PDS5B: variants seen among roughly 807,000 people sequenced by gnomAD.
PDS5B encodes PDS5 cohesin associated factor B, also known as sister chromatid cohesion protein PDS5 homolog B.
In PDS5B, 51 loss-of-function variants were observed where a neutral mutation model predicts 184.1. The ratio of observed to expected loss-of-function variants is 0.28; its 90% CI spans 0.22 to 0.35. The LOEUF (loss-of-function observed/expected upper bound fraction) is 0.35, where lower values mean the gene tolerates loss of function less well. PDS5B is among the 10% of genes least tolerant of loss of function. The probability of loss-of-function intolerance (pLI) is 1.00; values close to 1 mark genes in which losing one functional copy is unlikely to be tolerated. For missense variants in PDS5B, 1,180 were observed against 1,723.3 expected (o/e 0.68, Z 5.58); for synonymous variants, 566 against 569.2 (o/e 0.99, Z 0.08).
Position 32,588,481 on chromosome 13 carries a change from GTTCTC to G in PDS5B, c.-20+1894_-20+1898del, listed in dbSNP as rs377558013. 3.5e-4 allele frequency among the ~76,000 whole-genome samples: 54 copies of G among 152,252 alleles called. 2 individuals carry two copies. In the East Asian group the frequency reaches 6.2e-3, roughly 17 times the overall value. On this transcript the variant is annotated intron_variant, in intron 1 of 34. Coordinates refer to ENST00000315596, the MANE Select transcript of PDS5B (RefSeq NM_015032.4). ...CCTTTTTCTGATGGTTTTAAAAATT[GTTCTC>G]TTCTCAGCTGGCGTTTACTTAAAGG...
At chr13:32,689,992 T>C (rs1593434810) in intron 13 of PDS5B, 1 of 152,120 alleles carries the variant, frequency 6.6e-6, no homozygotes, top group East Asian at 1.9e-4. Flanking sequence ...AAATGAAGAA[T>C]TTGCCAGTCC....
chr13:32,675,397 T>C (rs865826990), intron 8 of PDS5B, among the ~76,000 whole-genome samples: 13 of 152,210 alleles, frequency 8.5e-5, no homozygotes, highest in Admixed American at 2.6e-4. Context: ...ACTGGGAGAC[T>C]GTAGCACATA....
chr13:32,745,989 G>T lies in PDS5B; in HGVS notation c.2625G>T (p.Met875Ile). 1 of 1,612,184 alleles carries T rather than the reference G, an allele frequency of 6.2e-7. No homozygotes were observed. Among genetic ancestry groups the T allele is most frequent in the Non-Finnish European group, 8.5e-7 (1 of 1,178,376 alleles). The change falls in exon 24 of 35, where the codon ATG becomes ATT. Residue 875 changes from methionine (M) to isoleucine (I), a missense_variant. Met to Ile is a conservative substitution (Grantham distance 10, BLOSUM62 1). This residue lies in a region of PDS5B where 475 missense variants were observed against 691.5 expected (regional missense o/e 0.69). Transcript: ENST00000315596. ...ACTCATTTTTCAGTAAACCAGATATGTCACGTCTGAGACTTGCTGCTGGGA... is the reference window on the plus strand; with the variant it reads ...ACTCATTTTTCAGTAAACCAGATATTTCACGTCTGAGACTTGCTGCTGGGA... ...TEQGKISKPD[M>I]SRLRLAAGSA...
intron 13 of PDS5B, among the ~76,000 whole-genome samples, chr13:32,691,486 G>C (rs925323315): frequency 6.6e-6 from 1 of 151,964 alleles, no homozygotes; most frequent in Non-Finnish European, 1.5e-5. Flanking sequence ...TAATGCTGCT[G>C]TAAATACTTT....
At chr13:32,764,835 G>C (rs1409308853) in intron 31 of PDS5B, among the ~76,000 whole-genome samples, 1 of 152,084 alleles carries the variant, frequency 6.6e-6, no homozygotes, top group African/African-American at 2.4e-5. Context: ...AGACTTGCCA[G>C]TTGCATACTC....
intron 17 of PDS5B, among the ~76,000 whole-genome samples, chr13:32,704,585 T>A (rs1951953181): frequency 6.6e-6 from 1 of 152,248 alleles, no homozygotes; most frequent in African/African-American, 2.4e-5. Flanking sequence ...GAAAAATTGA[T>A]TCTCATTTGA....
chr13:32,622,047 G>A (rs1223153205), intron 1 of PDS5B, among the ~76,000 whole-genome samples: 1 of 151,580 alleles, frequency 6.6e-6, no homozygotes, highest in Non-Finnish European at 1.5e-5. Flanking sequence ...AGCGTCACCA[G>A]AGACCTGCTA....
chr13:32,611,201 G>A (rs1013912932), intron 1 of PDS5B, among the ~76,000 whole-genome samples: 1 of 151,972 alleles, frequency 6.6e-6, no homozygotes, highest in South Asian at 2.1e-4. Flanking sequence ...TCCCTTATAT[G>A]TTACTCCCAA....
At chr13:32,614,050 G>A (rs1484595990) in intron 1 of PDS5B, among the ~76,000 whole-genome samples, 2 of 152,154 alleles carry the variant, frequency 1.3e-5, no homozygotes, top group African/African-American at 4.8e-5. Context: ...GTAAATATGA[G>A]AGTTTATTTC....
rs76754002 is a variant in PDS5B, at chr13:32,711,784, G to A, written c.2123+1678G>A. 1.9e-3 allele frequency among the ~76,000 whole-genome samples: 283 copies of A among 151,890 alleles called. 1 individual carries two copies. The highest frequency in any genetic ancestry group is 3.0e-3 in the Non-Finnish European group (205 of 68,024). On this transcript the variant is annotated intron_variant, in intron 19 of 34. Transcript: ENST00000315596. ...GTGTATGTGTATGTGTGTATTTGTC[G>A]CACACACATATGTAGTACGTATACA... is the stretch of plus-strand genomic sequence containing the variant.
rs761365360 is a variant in PDS5B, at chr13:32,760,602, G to C, written c.3400G>C (p.Val1134Leu). 1 of 1,613,890 alleles carries C rather than the reference G, an allele frequency of 6.2e-7. No individual in the cohort carries two copies. The highest frequency in any genetic ancestry group is 1.3e-5 in the African/African-American group (1 of 74,924). Residue 1134 changes from valine (V) to leucine (L), a missense_variant, in exon 30 of 35, where the codon GTT becomes CTT. Val to Leu is a conservative substitution (Grantham distance 32). Around this residue, in one of 11 missense-constraint regions of PDS5B, gnomAD observed 465 missense variants for 497.8 expected, o/e 0.93. Coordinates refer to ENST00000315596, the MANE Select transcript of PDS5B (RefSeq NM_015032.4). Reference protein sequence around the residue: ...KPKTTNVLGAVNKPLSSAGKQ... With the variant: ...KPKTTNVLGALNKPLSSAGKQ... ...TAAAACAACCAATGTTCTAGGAGCT[G>C]TTAACAAGCCACTTTCATCAGCAGG...
In PDS5B at chr13:32,776,219, A is replaced by G. The variant is rs1304789126; in HGVS notation, c.*1167A>G. 2 of 152,492 alleles carry G rather than the reference A, an allele frequency of 1.3e-5. No individual in the cohort carries two copies. Among genetic ancestry groups the G allele is most frequent in the African/African-American group, 4.8e-5 (2 of 41,384 alleles). 9.4% of individuals were successfully genotyped at this position (152,492 alleles called of 1,614,324 possible). On this transcript the variant is annotated 3_prime_UTR_variant, in exon 35 of 35. Transcript: ENST00000315596. The stretch of plus-strand genomic sequence containing the variant: ...GCCATAGTATATGATAGATTGCCCC[A>G]TAACATAGTTTTTCATCAAGAGTTT...
intron 1 of PDS5B, among the ~76,000 whole-genome samples, chr13:32,590,506 A>T (rs192094160): frequency 3.3e-5 from 5 of 152,132 alleles, no homozygotes; most frequent in African/African-American, 1.2e-4. Context: ...TTTCAGTGGC[A>T]GTTGAGGTTG....
intron 17 of PDS5B, among the ~76,000 whole-genome samples, chr13:32,706,631 T>TTTATGTG (rs1332544830): frequency 3.3e-5 from 5 of 152,210 alleles, no homozygotes; most frequent in Non-Finnish European, 7.3e-5. Flanking sequence ...TAATTTGTCA[T>TTTATGTG]TTATGTGTTT....
chr13:32,645,991 TG>T (rs111999626), intron 1 of PDS5B, among the ~76,000 whole-genome samples: 3 of 102,094 alleles, frequency 2.9e-5, no homozygotes, highest in Non-Finnish European at 7.0e-5. Context: ...TGTGGGTGTG[TG>T]GGTGTGTGGT....
chr13:32,588,736 T>G (rs1263939885), intron 1 of PDS5B, among the ~76,000 whole-genome samples: 2 of 152,268 alleles, frequency 1.3e-5, no homozygotes, highest in Non-Finnish European at 2.9e-5. Context: ...TGTATTAAGC[T>G]TATTTGTAAT....
intron 24 of PDS5B, among the ~76,000 whole-genome samples, chr13:32,749,143 A>G (rs1468326963): frequency 6.6e-6 from 1 of 152,224 alleles, no homozygotes; most frequent in East Asian, 1.9e-4. Context: ...CTTGTTGAGC[A>G]CACTCTCCTT....
intron 17 of PDS5B, among the ~76,000 whole-genome samples, chr13:32,704,571 T>C (rs1385696560): frequency 6.6e-6 from 1 of 152,240 alleles, no homozygotes; most frequent in African/African-American, 2.4e-5. Flanking sequence ...GAACTCCATT[T>C]ACAGAAAAAT....
chr13:32,649,024 A>G (rs1950298023), intron 2 of PDS5B, 144 bp downstream of exon 2: 1 of 630,958 alleles, frequency 1.6e-6, no homozygotes. Flanking sequence ...CTAAGGGAGT[A>G]GAGTATATAA....
Sources: gnomAD v4.1 joint callset for allele counts (sites outside exome capture counted in the v4.1 genomes callset) on GRCh38, gnomAD v4.1.1 for gene constraint, gnomAD v4.1.1 regional missense constraint, MANE v1.5 for transcripts, NCBI Gene and HGNC (gene_info 2026-07-23, HGNC 2026-07-21) for gene names.